Variants in PLEKHG1 observed in about 807,000 individuals in gnomAD.
PLEKHG1 encodes the protein pleckstrin homology and RhoGEF domain containing G1.
In PLEKHG1, 44 loss-of-function variants were observed where a neutral mutation model predicts 100.8. That is an observed-to-expected ratio of 0.44 (90% confidence interval 0.34 to 0.56). The LOEUF (loss-of-function observed/expected upper bound fraction) is 0.56, where lower values mean the gene tolerates loss of function less well. PLEKHG1 is among the 20% of genes least tolerant of loss of function. The probability of loss-of-function intolerance (pLI) is 0.01; values close to 1 mark genes in which losing one functional copy is unlikely to be tolerated. For missense variants in PLEKHG1, 1,545 were observed against 1,720.9 expected (o/e 0.90, Z 1.81); for synonymous variants, 640 against 662.5 (o/e 0.97, Z 0.52).
At chr6:150,630,275 T>C (rs1777690962) in intron 1 of PLEKHG1, among the ~76,000 whole-genome samples, 3 of 152,212 alleles carry the variant, frequency 2.0e-5, no homozygotes, top group African/African-American at 7.2e-5. Flanking sequence ...TACTTTAGCT[T>C]CTTTGCGGAG....
At chr6:150,650,184 A>G (rs1778671046) in intron 2 of PLEKHG1, among the ~76,000 whole-genome samples, 1 of 152,126 alleles carries the variant, frequency 6.6e-6, no homozygotes, top group African/African-American at 2.4e-5. Flanking sequence ...GCACTGATGG[A>G]AAGTGAGAAG....
In PLEKHG1 at chr6:150,734,201, A is replaced by T. The variant is rs187807314; in HGVS notation, c.411+109A>T. On this transcript the variant is annotated intron_variant, in intron 2 of 15. Transcript: ENST00000358517. ...GGATGTCTTCTAAGAGGCGGAAGGG[A>T]TGTGAATGTTTAAAGAGAGAGTAAT... 152 of 1,069,176 alleles carry T rather than the reference A, an allele frequency of 1.4e-4. 1 individual carries two copies. The African/African-American group carries it at 2.2e-3, about 16-fold the overall frequency. 66.2% of individuals were successfully genotyped at this position (1,069,176 alleles called of 1,614,324 possible).
At chr6:150,611,210 A>C (rs9478767) in intron 1 of PLEKHG1, among the ~76,000 whole-genome samples, 11,368 of 152,286 alleles carry the variant, frequency 0.075, 534 homozygotes, top group Non-Finnish European at 0.1. Flanking sequence ...TCTGATGTTC[A>C]ATGCTAATTG....
intron 3 of PLEKHG1, among the ~76,000 whole-genome samples, chr6:150,698,332 A>C (rs1780628159): frequency 6.6e-6 from 1 of 152,058 alleles, no homozygotes; most frequent in African/African-American, 2.4e-5. Context: ...AGCATTTTGG[A>C]TTTTGGACTT....
At chr6:150,746,652 A>C (rs903288233) in intron 2 of PLEKHG1, among the ~76,000 whole-genome samples, 6 of 152,214 alleles carry the variant, frequency 3.9e-5, no homozygotes, top group African/African-American at 1.4e-4. Flanking sequence ...TTTTTACTGA[A>C]AGGATTTGCA....
intron 3 of PLEKHG1, among the ~76,000 whole-genome samples, chr6:150,781,090 G>T (rs1785284654): frequency 6.6e-6 from 1 of 151,472 alleles, no homozygotes; most frequent in South Asian, 2.1e-4. Flanking sequence ...GGTCAGGCTG[G>T]TCTCGAACTC....
At chr6:150,630,539 T>C (rs1405867708) in intron 1 of PLEKHG1, among the ~76,000 whole-genome samples, 2 of 152,100 alleles carry the variant, frequency 1.3e-5, no homozygotes, top group East Asian at 1.9e-4. Context: ...GTTGACACCA[T>C]TTTCTGAGGT....
intron 9 of PLEKHG1, 44 bp downstream of exon 10, chr6:150,809,520 A>T (rs373235346): frequency 3.3e-6 from 5 of 1,533,278 alleles, no homozygotes; most frequent in African/African-American, 1.4e-5. Flanking sequence ...CCTTTGTGTA[A>T]TGATGAGTGC....
intron 3 of PLEKHG1, among the ~76,000 whole-genome samples, chr6:150,693,515 G>A (rs921745828): frequency 1.3e-5 from 2 of 152,176 alleles, no homozygotes; most frequent in Non-Finnish European, 2.9e-5. Context: ...AATTCCCTGG[G>A]ATAGACTCTG....
chr6:150,743,989 C>A lies in PLEKHG1; in HGVS notation c.411+9897C>A, dbSNP rs144199666. 1.7e-3 allele frequency among the ~76,000 whole-genome samples: 255 copies of A among 152,318 alleles called. 10 individuals are homozygous for A. The South Asian group carries it at 0.04, about 24-fold the overall frequency. On this transcript the variant is annotated intron_variant, in intron 2 of 15. Transcript: ENST00000358517. ...GAACGATGCTTGGAAGCTGAAGGTTCATTGTCACATTGATAAAGTTTGTAA... is the reference window on the plus strand; with the variant it reads ...GAACGATGCTTGGAAGCTGAAGGTTAATTGTCACATTGATAAAGTTTGTAA...
At chr6:150,733,657 T>G (rs753214912) in exon 2 of PLEKHG1, 1 of 1,614,124 alleles carries the variant, frequency 6.2e-7, no homozygotes, top group South Asian at 1.1e-5. Flanking sequence ...CAGCCAGGCG[T>G]TCCTGCCCTC....
intron 2 of PLEKHG1, among the ~76,000 whole-genome samples, chr6:150,744,506 C>T (rs193006721): frequency 6.6e-6 from 1 of 152,258 alleles, no homozygotes; most frequent in East Asian, 1.9e-4. Flanking sequence ...TTAAGACTTG[C>T]ACTCCCCAAA....
rs1353898445 is a variant in PLEKHG1 at position 150,823,319 on chromosome 6, C to T, written c.1448-335C>T. On this transcript the variant is annotated intron_variant, in intron 13 of 15. Coordinates refer to ENST00000358517, the Ensembl canonical transcript of PLEKHG1. ...AACAATATCATCTTTACATAATTGT[C>T]ATGGCATGGGGCATGTGCAATTTCT... 2.6e-5 allele frequency among the ~76,000 whole-genome samples: 4 copies of T among 152,192 alleles called. No homozygotes were observed. The East Asian group carries it at 7.7e-4, about 29-fold the overall frequency.
intron 3 of PLEKHG1, among the ~76,000 whole-genome samples, chr6:150,655,834 A>G (rs2128577256): frequency 6.6e-6 from 1 of 152,068 alleles, no homozygotes; most frequent in East Asian, 1.9e-4. Flanking sequence ...CACCATTCTC[A>G]CCAAACTAAC....
At chr6:150,701,415 C>CTT (rs1272897435) in intron 3 of PLEKHG1, among the ~76,000 whole-genome samples, 46 of 54,286 alleles carry the variant, frequency 8.5e-4, no homozygotes, top group South Asian at 2.4e-3. Flanking sequence ...AGCAGTAATT[C>CTT]TTTATATATA....
intron 2 of PLEKHG1, among the ~76,000 whole-genome samples, chr6:150,755,227 A>T (rs1259637962): frequency 2.1e-5 from 3 of 142,400 alleles, no homozygotes; most frequent in South Asian, 2.3e-4. Context: ...CCTTCCGCCT[A>T]GGCCTCCCAA....
chr6:150,831,139 G>A lies in PLEKHG1; in HGVS notation c.2028G>A (p.Arg676=). ...ACTTAAAACTAATGGTTGCTAAGCGGGAAGAAGCTGAATCCACTCCCTCTA... is the reference window on the plus strand; with the variant it reads ...ACTTAAAACTAATGGTTGCTAAGCGAGAAGAAGCTGAATCCACTCCCTCTA... Residue 676 remains arginine, a synonymous_variant, in exon 15 of 16, where the codon CGG becomes CGA. Transcript: ENST00000358517. This position sits in a 1 kb window ranked among gnomAD's most constrained non-coding sequence, Gnocchi z 4.1. The A allele has an allele frequency of 6.2e-7, 1 of 1,613,928 alleles. No individual in the cohort carries two copies. The highest frequency in any genetic ancestry group is 1.1e-5 in the South Asian group (1 of 91,052).
chr6:150,744,461 A>G (rs977398776), intron 2 of PLEKHG1, among the ~76,000 whole-genome samples: 1 of 152,210 alleles, frequency 6.6e-6, no homozygotes, highest in Admixed American at 6.5e-5. Flanking sequence ...AGGCAGTTAA[A>G]AAAAACAAAT....
At chr6:150,738,969 G>T (rs1782708130) in intron 2 of PLEKHG1, among the ~76,000 whole-genome samples, 1 of 152,132 alleles carries the variant, frequency 6.6e-6, no homozygotes, top group African/African-American at 2.4e-5. Context: ...AGAAAATAAG[G>T]GTTTGTTTAA....
Sources: allele counts gnomAD v4.1 joint callset (sites outside exome capture counted in the v4.1 genomes callset), GRCh38; gene constraint gnomAD v4.1.1; non-coding constraint Gnocchi (gnomAD v3.1); transcripts MANE v1.5; gene names NCBI Gene and HGNC (gene_info 2026-07-23, HGNC 2026-07-21).